The following ZER1 variants were observed in gnomAD, a reference collection of about 807,000 sequenced individuals.
ZER1 encodes zyg-11 related cell cycle regulator.
In ZER1, 11 loss-of-function variants were observed where a neutral mutation model predicts 78.8. That is an observed-to-expected ratio of 0.14 (90% CI 0.09 to 0.23). The LOEUF (loss-of-function observed/expected upper bound fraction) is 0.23. ZER1 is among the 10% of genes least tolerant of loss of function. The probability of loss-of-function intolerance (pLI) is 1.00; values close to 1 mark genes in which losing one functional copy is unlikely to be tolerated. For missense variants in ZER1, 588 were observed against 996.9 expected, an observed-to-expected ratio of 0.59 and a Z score of 5.52; for synonymous variants, 400 against 407.0, an observed-to-expected ratio of 0.98 and a Z score of 0.21.
chr9:128,753,786 C>G lies in ZER1; in HGVS notation c.309+23G>C, dbSNP rs370013496. 3.1e-6 allele frequency: 5 copies of G among 1,600,136 alleles called. No individual in the cohort carries two copies. The highest frequency in any genetic ancestry group is 4.3e-6 in the Non-Finnish European group (5 of 1,172,700). ...CCCTGCTTGGTGTGGGCCCTCCTGG[C>G]GCTGTGGCGGGGCAGGTCTCACCTG... On this transcript the variant is annotated intron_variant, in intron 3 of 15. Coordinates refer to ENST00000291900, the MANE Select transcript of ZER1 (RefSeq NM_006336.4). The surrounding 1 kb of genome is among the most constrained non-coding windows in gnomAD (Gnocchi z 7.5).
In ZER1 at chr9:128,753,756, C is replaced by G. The variant is rs1286380249; in HGVS notation, c.309+53G>C. On this transcript the variant is annotated intron_variant, in intron 3 of 15. Coordinates refer to ENST00000291900, the MANE Select transcript of ZER1 (RefSeq NM_006336.4). The surrounding 1 kb of genome is among the most constrained non-coding windows in gnomAD (Gnocchi z 7.5). ...GATGGCTGGGCTGGAGGCGAGCAGC[C>G]TGGCCCCTGCTTGGTGTGGGCCCTC... 1.3e-6 allele frequency: 2 copies of G among 1,583,120 alleles called. No homozygotes were observed. The highest frequency in any genetic ancestry group is 2.7e-5 in the African/African-American group (2 of 74,506).
At chr9:128,756,151 T>A (rs576517092) in intron 1 of ZER1, among the ~76,000 whole-genome samples, 2 of 152,166 alleles carry the variant, frequency 1.3e-5, no homozygotes, top group Non-Finnish European at 2.9e-5. Flanking sequence ...TATGTCCACA[T>A]AGAAACTCAG....
chr9:128,759,571 G>T (rs981047869), intron 1 of ZER1, among the ~76,000 whole-genome samples: 2 of 151,964 alleles, frequency 1.3e-5, no homozygotes, highest in Non-Finnish European at 2.9e-5. Context: ...CAAGGCAGGT[G>T]GATCATGAGG....
chr9:128,761,190 ATC>A (rs1171810309), intron 1 of ZER1, among the ~76,000 whole-genome samples: 1 of 151,560 alleles, frequency 6.6e-6, no homozygotes, highest in African/African-American at 2.4e-5. Flanking sequence ...GGGGATAATA[ATC>A]TCTACTTCAC....
At position 128,754,577 on chromosome 9, in the gene ZER1, AC is replaced by A. The variant is rs1446962973; in HGVS notation, c.159-619del. 6.6e-6 allele frequency among the ~76,000 whole-genome samples: 1 copy of A among 152,072 alleles called. No individual in the cohort carries two copies. Among genetic ancestry groups the A allele is most frequent in the African/African-American group, 2.4e-5 (1 of 41,398 alleles). ...TGCAAAGTGTCCAACCTAAAGCCTG[AC>A]CCACGGTAAATGCTCAGGACGTTAT... On this transcript the variant is annotated intron_variant, in intron 2 of 15. Transcript: ENST00000291900. The surrounding 1 kb of genome is among the most constrained non-coding windows in gnomAD (Gnocchi z 4.3).
chr9:128,768,949 A>T (rs945334845), intron 1 of ZER1, among the ~76,000 whole-genome samples: 12 of 151,778 alleles, frequency 7.9e-5, no homozygotes, highest in African/African-American at 2.4e-4. Context: ...GCTCATTTTA[A>T]TTCTTTTTTT....
At chr9:128,745,679 G>C (rs1011260191) in intron 8 of ZER1, among the ~76,000 whole-genome samples, 2 of 151,358 alleles carry the variant, frequency 1.3e-5, no homozygotes, top group Non-Finnish European at 2.9e-5. Context: ...TTAAGACGCG[G>C]TCTCTCTGTT....
chr9:128,741,934 T>C (rs1863312430), intron 9 of ZER1, 93 bp from the exon 10 acceptor site: 2 of 1,536,284 alleles, frequency 1.3e-6, no homozygotes, highest in Non-Finnish European at 9.0e-7. Flanking sequence ...AGCAACGCCA[T>C]GGCTAGTTCA....
intron 8 of ZER1, among the ~76,000 whole-genome samples, chr9:128,746,458 C>CTT (rs759531558): frequency 3.9e-4 from 51 of 129,284 alleles, no homozygotes; most frequent in African/African-American, 1.1e-3. Flanking sequence ...TCTTCTTTTC[C>CTT]TTTTTTTTTT....
At chr9:128,741,491 T>C (rs1863289765) in intron 11 of ZER1, 44 bp downstream of exon 11, 1 of 1,613,632 alleles carries the variant, frequency 6.2e-7, no homozygotes, top group Non-Finnish European at 8.5e-7. Flanking sequence ...AGAGGGGCCA[T>C]GTGGGCAGCT....
At chr9:128,745,754 A>C (rs929199989) in intron 8 of ZER1, 1 of 152,104 alleles carries the variant, frequency 6.6e-6, no homozygotes, top group African/African-American at 2.4e-5. Flanking sequence ...GGGCTCAAGA[A>C]ATTTTTCACA....
At chr9:128,752,277 C>T (rs1327658219) in intron 5 of ZER1, among the ~76,000 whole-genome samples, 2 of 152,086 alleles carry the variant, frequency 1.3e-5, no homozygotes, top group Admixed American at 6.6e-5. Flanking sequence ...GTTTCTTTAT[C>T]TCTAGCACCC....
At position 128,751,527 on chromosome 9, in the gene ZER1, G is replaced by A; in HGVS notation, c.924C>T (p.Ser308=). ...TGATGCTGCTCTTGGAAGGCTCAAT[G>A]CTGGGGAAAGAGGGTGCCGGTGTCA... ...SKMEEEAGQT[S]IEPSKSSIIP... is the part of the protein sequence containing the mutation. Residue 308 remains serine, a splice_region_variant and synonymous_variant, in exon 6 of 16, where the codon AGC becomes AGT. Coordinates refer to ENST00000291900, the MANE Select transcript of ZER1 (RefSeq NM_006336.4). The surrounding 1 kb of genome is among the most constrained non-coding windows in gnomAD (Gnocchi z 5.4). The A allele has an allele frequency of 1.2e-6, 2 of 1,612,470 alleles. No individual in the cohort carries two copies. Among genetic ancestry groups the A allele is most frequent in the South Asian group, 1.1e-5 (1 of 91,082 alleles).
chr9:128,731,328 C>A lies in ZER1; in HGVS notation c.*9G>T, dbSNP rs777730856. 2 of 1,577,288 alleles carry A rather than the reference C, an allele frequency of 1.3e-6. No homozygotes were observed. The highest frequency in any genetic ancestry group is 1.7e-6 in the Non-Finnish European group (2 of 1,157,754). ...TCCAGAGCGGTGGCGGCCATGGGGA[C>A]GGAGGCCTCTATCTAGACGTGTCCA... On this transcript the variant is annotated 3_prime_UTR_variant, in exon 16 of 16. Transcript: ENST00000291900.
chr9:128,733,609 A>G, intron 14 of ZER1, 81 bp from the exon 15 acceptor site: 1 of 1,286,264 alleles, frequency 7.8e-7, no homozygotes, highest in Non-Finnish European at 1.1e-6. Context: ...CCTGTCTGTG[A>G]GGACTATCCT....
At chr9:128,741,727 C>G in intron 10 of ZER1, 73 bp from the exon 11 acceptor site, 1 of 1,613,988 alleles carries the variant, frequency 6.2e-7, no homozygotes, top group South Asian at 1.1e-5. Flanking sequence ...AAACACAGAC[C>G]TCCCCCAGGG....
At chr9:128,734,984 G>C (rs1373918741) in intron 14 of ZER1, among the ~76,000 whole-genome samples, 3 of 152,060 alleles carry the variant, frequency 2.0e-5, no homozygotes, top group Non-Finnish European at 4.4e-5. Flanking sequence ...GGAAACTCCA[G>C]ACCTCAGGCA....
Position 128,751,223 on chromosome 9 carries a change from C to T in ZER1, c.1084G>A (p.Ala362Thr). ...NEEQVLNAIE[A>T]YTEHRPEITS... ...ATCTCAGGCCGGTGCTCCGTGTAGG[C>T]CTCGATGGCATTCAGCACCTGCTCT... The change falls in exon 7 of 16, where the codon GCC (alanine) becomes ACC (threonine). Residue 362 changes from alanine to threonine, a missense_variant. By Grantham distance (58) the Ala-to-Thr change is moderately conservative. Coordinates refer to ENST00000291900, the MANE Select transcript of ZER1 (RefSeq NM_006336.4). The surrounding 1 kb of genome is among the most constrained non-coding windows in gnomAD (Gnocchi z 5.4). 1 of 1,604,160 alleles carries T rather than the reference C, an allele frequency of 6.2e-7. No homozygotes were observed. Among genetic ancestry groups the T allele is most frequent in the Non-Finnish European group, 8.5e-7 (1 of 1,172,154 alleles).
Position 128,742,510 on chromosome 9 carries a change from G to C in ZER1, c.1575+20C>G, listed in dbSNP as rs1274525859. ...AGCAGTGAGGCTCAGGAGGAAGGGG[G>C]CAGCGCCCCCCACACGTACCACGAC... On this transcript the variant is annotated intron_variant, in intron 9 of 15. Coordinates refer to ENST00000291900, the MANE Select transcript of ZER1 (RefSeq NM_006336.4). 1.2e-6 allele frequency: 2 copies of C among 1,612,898 alleles called. No homozygotes were observed. The highest frequency in any genetic ancestry group is 2.7e-5 in the African/African-American group (2 of 75,030).
Sources: allele counts gnomAD v4.1 joint callset (sites outside exome capture counted in the v4.1 genomes callset), GRCh38; gene constraint gnomAD v4.1.1; non-coding constraint Gnocchi (gnomAD v3.1); transcripts MANE v1.5; gene names NCBI Gene and HGNC (gene_info 2026-07-23, HGNC 2026-07-21).